The following TOP1 variants were observed in gnomAD, a reference collection of about 807,000 sequenced individuals.
The protein encoded by TOP1 is DNA topoisomerase 1.
TOP1 carries 10 observed loss-of-function variants against 111.1 expected under a neutral mutation model. The ratio of observed to expected loss-of-function variants is 0.09; its 90% CI spans 0.06 to 0.15. TOP1 has a LOEUF of 0.15. Among genes scored for constraint, TOP1 ranks in the 10% least tolerant of loss-of-function variants. The probability of loss-of-function intolerance (pLI) is 1.00; values close to 1 mark genes in which losing one functional copy is unlikely to be tolerated. For synonymous variants in TOP1, 271 were observed against 302.9 expected (o/e 0.89, Z 1.10); for missense variants, 474 against 926.7 (o/e 0.51, Z 6.34).
At chr20:41,117,977 T>C (rs1189289413) in intron 17 of TOP1, among the ~76,000 whole-genome samples, 192 bp from the exon 18 acceptor site, 1 of 152,182 alleles carries the variant, frequency 6.6e-6, no homozygotes, top group Non-Finnish European at 1.5e-5. Context: ...ACATATAAAC[T>C]TCCTACTATC....
Position 41,094,451 on chromosome 20 carries a change from A to G in TOP1, c.730+1864A>G, listed in dbSNP as rs1011509883. Among the ~76,000 whole-genome samples the G allele has an allele frequency of 6.6e-6, 1 of 152,150 alleles. No individual in the cohort carries two copies. The highest frequency in any genetic ancestry group is 1.5e-5 in the Non-Finnish European group (1 of 68,026). On this transcript the variant is annotated intron_variant, in intron 9 of 20. Transcript: ENST00000361337. This position sits in a 1 kb window ranked among gnomAD's most constrained non-coding sequence, Gnocchi z 4.4. ...AAGCCTCACTTTGAGGTTCAAAGTG[A>G]TGGGAGGGAAAGCTAGATTCCCTAG...
intron 3 of TOP1, chr20:41,072,558 G>A: frequency 1.0e-6 from 1 of 985,368 alleles, no homozygotes; most frequent in Non-Finnish European, 1.2e-6. Flanking sequence ...CTGTATCATA[G>A]GACTTGTTCC....
In TOP1 at chr20:41,100,920, T is replaced by C. The variant is rs1488131928; in HGVS notation, c.1164-289T>C. Reference sequence around the variant, plus strand: ...CATATACAGCATGGTATGTTGTATATATGGTTCACGCATCCCAGGTGGGAC... The same window carrying C: ...CATATACAGCATGGTATGTTGTATACATGGTTCACGCATCCCAGGTGGGAC... On this transcript the variant is annotated intron_variant, in intron 12 of 20. Coordinates refer to ENST00000361337, the MANE Select transcript of TOP1 (RefSeq NM_003286.4). The surrounding 1 kb of genome is among the most constrained non-coding windows in gnomAD (Gnocchi z 4.4). 1 of 386,416 alleles carries C rather than the reference T, an allele frequency of 2.6e-6. No individual in the cohort carries two copies. The highest frequency in any genetic ancestry group is 2.0e-5 in the African/African-American group (1 of 49,708). 23.9% of individuals were successfully genotyped at this position (386,416 alleles called of 1,614,324 possible).
intron 2 of TOP1, among the ~76,000 whole-genome samples, chr20:41,047,866 C>T (rs2033352260): frequency 6.6e-6 from 1 of 152,176 alleles, no homozygotes; most frequent in Non-Finnish European, 1.5e-5. Flanking sequence ...ACTCAGTTAC[C>T]TGTCTCTGTC....
chr20:41,103,480 C>G (rs977512213), intron 13 of TOP1, among the ~76,000 whole-genome samples: 1 of 152,126 alleles, frequency 6.6e-6, no homozygotes, highest in Admixed American at 6.5e-5. Flanking sequence ...TTCACTTCAG[C>G]AAGATTTACA....
intron 2 of TOP1, among the ~76,000 whole-genome samples, chr20:41,038,569 A>G (rs1183440318): frequency 6.6e-6 from 1 of 152,200 alleles, no homozygotes; most frequent in Non-Finnish European, 1.5e-5. Context: ...GCTGTAAATC[A>G]TAGAAAGGCT....
chr20:41,078,528 C>G lies in TOP1; in HGVS notation c.335+891C>G, dbSNP rs184200520. ...TTAGACAAGGAGAAAAGCAGGTGCC[C>G]TCTTCAGGCATGTTTCATAATTGTT... On this transcript the variant is annotated intron_variant, in intron 5 of 20. Transcript: ENST00000361337. This position sits in a 1 kb window ranked among gnomAD's most constrained non-coding sequence, Gnocchi z 5.3. Among the ~76,000 whole-genome samples, 1 of 152,256 alleles carries G rather than the reference C, an allele frequency of 6.6e-6. No homozygotes were observed. Among genetic ancestry groups the G allele is most frequent in the East Asian group, 1.9e-4 (1 of 5,182 alleles).
rs1262742766 is a variant in TOP1 at position 41,113,727 on chromosome 20, AAAAAAT to A, written c.1453-236_1453-231del. On this transcript the variant is annotated intron_variant, in intron 14 of 20. Coordinates refer to ENST00000361337, the MANE Select transcript of TOP1 (RefSeq NM_003286.4). The stretch of plus-strand genomic sequence containing the variant: ...TCTACTAAAAATACAAAAAAAAAAA[AAAAAAT>A]AAAAATTGGCGTGGTGGCGGGCGCC... Among the ~76,000 whole-genome samples the A allele has an allele frequency of 7.1e-4, 107 of 150,990 alleles. 1 individual carries two copies. Among genetic ancestry groups the A allele is most frequent in the Admixed American group, 1.3e-3 (19 of 15,176 alleles).
At chr20:41,089,477 C>G (rs1055152879) in intron 8 of TOP1, among the ~76,000 whole-genome samples, 3 of 152,236 alleles carry the variant, frequency 2.0e-5, no homozygotes, top group African/African-American at 7.2e-5. Context: ...CATATTGTAG[C>G]ATGTTTCAGA....
rs1480556203 is a variant in TOP1 at position 41,061,021 on chromosome 20, A to AT, written c.59-368dup. ...TTTAAAAACATCTGTTGAGGTTTGG[A>AT]TTTTTCAGAAGTTATAACATCTGAT... On this transcript the variant is annotated intron_variant, in intron 2 of 20. Coordinates refer to ENST00000361337, the MANE Select transcript of TOP1 (RefSeq NM_003286.4). This position sits in a 1 kb window ranked among gnomAD's most constrained non-coding sequence, Gnocchi z 4.6. Among the ~76,000 whole-genome samples the AT allele has an allele frequency of 6.6e-6, 1 of 152,136 alleles. No individual in the cohort carries two copies. Among genetic ancestry groups the AT allele is most frequent in the Non-Finnish European group, 1.5e-5 (1 of 68,028 alleles).
At position 41,097,130 on chromosome 20, in the gene TOP1, C is replaced by A; in HGVS notation, c.731-90C>A. 1 of 1,442,484 alleles carries A rather than the reference C, an allele frequency of 6.9e-7. No individual in the cohort carries two copies. The highest frequency in any genetic ancestry group is 9.4e-7 in the Non-Finnish European group (1 of 1,065,458). The allele number at this position is 1,442,484 out of a possible 1,614,324, so 89.4% of individuals were successfully genotyped here. ...CCTTTATATACCATGAGAAGGCAAA[C>A]CATTATTAAAGAGAATTCGCTAGCC... is the stretch of plus-strand genomic sequence containing the variant. On this transcript the variant is annotated intron_variant, in intron 9 of 20. Transcript: ENST00000361337. The surrounding 1 kb of genome is among the most constrained non-coding windows in gnomAD (Gnocchi z 4.2).
chr20:41,118,065 G>A lies in TOP1; in HGVS notation c.1823-104G>A. The A allele has an allele frequency of 7.6e-7, 1 of 1,307,776 alleles. No individual in the cohort carries two copies. The highest frequency in any genetic ancestry group is 1.0e-6 in the Non-Finnish European group (1 of 961,042). 81.0% of individuals were successfully genotyped at this position (1,307,776 alleles called of 1,614,324 possible). A position where few individuals can be genotyped will look rare whatever the true frequency, so the allele number is the denominator to read the frequency against. On this transcript the variant is annotated intron_variant, in intron 17 of 20. Coordinates refer to ENST00000361337, the MANE Select transcript of TOP1 (RefSeq NM_003286.4). This position sits in a 1 kb window ranked among gnomAD's most constrained non-coding sequence, Gnocchi z 4.6. ...TGAATTAATCATCTGAGTAAGATAA[G>A]AGCCAGCAAAATCATGGGGACGAGG...
rs763065088 is a variant in TOP1, at chr20:41,118,523, A to G, written c.1950+227A>G. On this transcript the variant is annotated intron_variant, in intron 18 of 20. Transcript: ENST00000361337. This position sits in a 1 kb window ranked among gnomAD's most constrained non-coding sequence, Gnocchi z 4.6. ...TTTATTCTACGCATAGAAGTTCTAT[A>G]CTGGCCACTCCCTATTTTGAAAAAC... is the stretch of plus-strand genomic sequence containing the variant. Among the ~76,000 whole-genome samples the G allele has an allele frequency of 1.3e-5, 2 of 152,226 alleles. No homozygotes were observed. Among genetic ancestry groups the G allele is most frequent in the African/African-American group, 2.4e-5 (1 of 41,460 alleles).
rs1038891173 is a variant in TOP1 at position 41,030,893 on chromosome 20, A to T, written c.58+1438A>T. Among the ~76,000 whole-genome samples the T allele has an allele frequency of 3.9e-5, 6 of 152,186 alleles. No individual in the cohort carries two copies. Among genetic ancestry groups the T allele is most frequent in the African/African-American group, 1.4e-4 (6 of 41,442 alleles). On this transcript the variant is annotated intron_variant, in intron 2 of 20. Coordinates refer to ENST00000361337, the MANE Select transcript of TOP1 (RefSeq NM_003286.4). This position sits in a 1 kb window ranked among gnomAD's most constrained non-coding sequence, Gnocchi z 4.1. ...AAGTATGGCATTTCTTGAGCACCAG[A>T]TATGTGCCAACCACTGTGCTTGGTG...
intron 2 of TOP1, among the ~76,000 whole-genome samples, chr20:41,039,100 T>G (rs1040573944): frequency 5.9e-5 from 9 of 152,334 alleles, no homozygotes; most frequent in African/African-American, 1.7e-4. Flanking sequence ...AATTTTCACG[T>G]TTAATTGTAA....
intron 2 of TOP1, among the ~76,000 whole-genome samples, chr20:41,035,249 T>C (rs139148380): frequency 7.7e-4 from 118 of 152,302 alleles, no homozygotes; most frequent in African/African-American, 2.7e-3. Context: ...TTCACTCACT[T>C]ACCTGTCTGC....
Position 41,079,574 on chromosome 20 carries a change from G to A in TOP1, c.336-511G>A, listed in dbSNP as rs1331676954. Among the ~76,000 whole-genome samples, 4 of 152,128 alleles carry A rather than the reference G, an allele frequency of 2.6e-5. No homozygotes were observed. On this transcript the variant is annotated intron_variant, in intron 5 of 20. Transcript: ENST00000361337. The surrounding 1 kb of genome is among the most constrained non-coding windows in gnomAD (Gnocchi z 4.0). ...ACTTTTGTTGTAATGTTGTCAGCTT[G>A]GTTATTTTTCCATGTAGCTAGATAT...
intron 3 of TOP1, among the ~76,000 whole-genome samples, chr20:41,066,372 T>G (rs1056694808): frequency 6.6e-6 from 1 of 152,084 alleles, no homozygotes; most frequent in African/African-American, 2.4e-5. Context: ...TTCATCTTCA[T>G]CTTGATACAT....
chr20:41,088,765 A>G (rs2033879052), intron 8 of TOP1, among the ~76,000 whole-genome samples: 1 of 152,148 alleles, frequency 6.6e-6, no homozygotes, highest in Non-Finnish European at 1.5e-5. Context: ...TTCATACCTG[A>G]AAAAGTGGTA....
Sources: allele counts gnomAD v4.1 joint callset (sites outside exome capture counted in the v4.1 genomes callset), GRCh38; gene constraint gnomAD v4.1.1; non-coding constraint Gnocchi (gnomAD v3.1); transcripts MANE v1.5; gene names NCBI Gene and HGNC (gene_info 2026-07-23, HGNC 2026-07-21).